DAB1: variants seen among roughly 807,000 people sequenced by gnomAD.
DAB1 encodes disabled homolog 1.
In DAB1, 15 loss-of-function variants were observed where a neutral mutation model predicts 64.6. The ratio of observed to expected loss-of-function variants is 0.23; its 90% confidence interval spans 0.16 to 0.36. DAB1 has a LOEUF of 0.36. DAB1 is among the 10% of genes least tolerant of loss of function. The pLI, the probability that DAB1 is intolerant of heterozygous loss-of-function variation, is 1.00. For synonymous variants in DAB1, 235 were observed against 251.9 expected (o/e 0.93, Z 0.64); for missense variants, 596 against 706.7 (o/e 0.84, Z 1.78).
At chr1:57,936,414 CAG>C (rs1163656378) in intron 5 of DAB1, among the ~76,000 whole-genome samples, 3 of 152,156 alleles carry the variant, frequency 2.0e-5, no homozygotes, top group African/African-American at 7.2e-5. Context: ...TATTTTGAGA[CAG>C]AGTCTTGCTC....
At chr1:58,093,780 A>G (rs2100617089) in intron 5 of DAB1, among the ~76,000 whole-genome samples, 1 of 152,198 alleles carries the variant, frequency 6.6e-6, no homozygotes, top group South Asian at 2.1e-4. Flanking sequence ...GCATGGAAAC[A>G]GTTTTGAAAT....
At chr1:58,385,953 T>C (rs1773067) in intron 3 of DAB1, among the ~76,000 whole-genome samples, 1 of 152,148 alleles carries the variant, frequency 6.6e-6, no homozygotes, top group Non-Finnish European at 1.5e-5. Context: ...GAGGAAAGAC[T>C]CTACGGAACA....
intron 4 of DAB1, among the ~76,000 whole-genome samples, chr1:57,108,880 G>A (rs1447688807): frequency 6.6e-6 from 1 of 152,182 alleles, no homozygotes; most frequent in Non-Finnish European, 1.5e-5. Flanking sequence ...GACACTGGCT[G>A]CCACATCCCC....
chr1:57,302,908 C>T (rs567914221), intron 1 of DAB1, among the ~76,000 whole-genome samples: 39 of 152,302 alleles, frequency 2.6e-4, no homozygotes, highest in African/African-American at 9.1e-4. Context: ...TTAACTCCCC[C>T]AAGCCTGAAT....
intron 4 of DAB1, among the ~76,000 whole-genome samples, chr1:58,152,108 T>A (rs1265469372): frequency 1.3e-5 from 2 of 152,028 alleles, no homozygotes; most frequent in Non-Finnish European, 2.9e-5. Flanking sequence ...ATCAGGCAAA[T>A]ATATGGTAAA....
At chr1:58,324,153 T>C (rs927796020) in intron 4 of DAB1, among the ~76,000 whole-genome samples, 3 of 152,078 alleles carry the variant, frequency 2.0e-5, no homozygotes, top group African/African-American at 7.2e-5. Flanking sequence ...GTTAGTAAAT[T>C]GTGCCTCTGC....
Position 57,844,157 on chromosome 1 carries a change from G to A in DAB1, n.88-17702C>T, listed in dbSNP as rs567567742. Among the ~76,000 whole-genome samples the A allele has an allele frequency of 2.4e-4, 36 of 152,312 alleles. No individual in the cohort carries two copies. In the South Asian group the frequency reaches 7.2e-3, roughly 31 times the overall value. On this transcript the variant is annotated intron_variant and non_coding_transcript_variant, in intron 1 of 1. Transcript: ENST00000477280. Reference sequence around the variant, plus strand: ...AATCTTCTTTTGTAATTCCTGCAGGGAGGATTACTCAGCCTACCTGATATC... The same window carrying A: ...AATCTTCTTTTGTAATTCCTGCAGGAAGGATTACTCAGCCTACCTGATATC...
At chr1:57,639,701 G>A (rs1483133206) in intron 7 of DAB1, among the ~76,000 whole-genome samples, 1 of 152,132 alleles carries the variant, frequency 6.6e-6, no homozygotes, top group East Asian at 1.9e-4. Context: ...CACTGGGGGT[G>A]TCTTCTTGTG....
At position 57,042,584 on chromosome 1, in the gene DAB1, T is replaced by C. The variant is rs371140628; in HGVS notation, c.724-16541A>G. On this transcript the variant is annotated intron_variant, in intron 9 of 14. Transcript: ENST00000371236. ...GCCTTGTAGAGACTCTAGTTCCTCA[T>C]ATGGGAAACTGTCTTATTCATCTTT... Among the ~76,000 whole-genome samples, 177 of 152,268 alleles carry C rather than the reference T, an allele frequency of 1.2e-3. 2 individuals carry two copies. In the South Asian group the frequency reaches 0.035, roughly 30 times the overall value.
intron 6 of DAB1, among the ~76,000 whole-genome samples, chr1:57,733,828 G>C (rs1042136400): frequency 6.6e-6 from 1 of 152,040 alleles, no homozygotes; most frequent in African/African-American, 2.4e-5. Context: ...AGTCAGCATG[G>C]GGGGAATCCA....
At chr1:57,290,706 A>T (rs1353684865) in intron 2 of DAB1, among the ~76,000 whole-genome samples, 1 of 152,198 alleles carries the variant, frequency 6.6e-6, no homozygotes, top group Non-Finnish European at 1.5e-5. Context: ...CTATTTAAAA[A>T]TATATGTGAT....
At chr1:57,107,139 C>T (rs1037021282) in intron 4 of DAB1, among the ~76,000 whole-genome samples, 1 of 152,096 alleles carries the variant, frequency 6.6e-6, no homozygotes. Flanking sequence ...CTTTGGGGGG[C>T]TGAGGCAGGT....
intron 1 of DAB1, among the ~76,000 whole-genome samples, chr1:58,528,294 A>T (rs1227096291): frequency 6.6e-6 from 1 of 152,246 alleles, no homozygotes; most frequent in Non-Finnish European, 1.5e-5. Flanking sequence ...AATACTGTTA[A>T]CTTATTGTTA....
intron 4 of DAB1, 55 bp downstream of exon 4, chr1:57,136,488 G>A: frequency 9.8e-7 from 1 of 1,025,620 alleles, no homozygotes; most frequent in Non-Finnish European, 1.4e-6. Flanking sequence ...AGGCTTTTAA[G>A]GGTACATCTG....
chr1:57,007,956 A>G (rs1449944522), intron 14 of DAB1, among the ~76,000 whole-genome samples: 1 of 152,182 alleles, frequency 6.6e-6, no homozygotes, highest in Non-Finnish European at 1.5e-5. Flanking sequence ...GGGACCCAGA[A>G]TGGCTCTCCC....
chr1:58,059,996 C>T (rs930022741), intron 5 of DAB1: 1 of 152,246 alleles, frequency 6.6e-6, no homozygotes, highest in South Asian at 2.1e-4. Context: ...TGATTTCTGA[C>T]TAATGAGCAG....
At chr1:58,283,126 TC>T (rs560445981) in intron 4 of DAB1, among the ~76,000 whole-genome samples, 41 of 151,486 alleles carry the variant, frequency 2.7e-4, no homozygotes, top group African/African-American at 8.5e-4. Context: ...TGCACTGGAG[TC>T]CTTCCCCACC....
At chr1:57,749,441 A>T (rs184055879) in intron 6 of DAB1, among the ~76,000 whole-genome samples, 1 of 152,362 alleles carries the variant, frequency 6.6e-6, no homozygotes, top group East Asian at 1.9e-4. Flanking sequence ...ATGGTATTTC[A>T]TAAAAGACAT....
chr1:58,131,959 G>T (rs1019898989), intron 5 of DAB1, among the ~76,000 whole-genome samples: 2 of 151,742 alleles, frequency 1.3e-5, no homozygotes, highest in African/African-American at 4.8e-5. Context: ...AGGCAGGCAG[G>T]CCTCCTTGAG....
Sources: gnomAD v4.1 joint callset for allele counts (sites outside exome capture counted in the v4.1 genomes callset) on GRCh38, gnomAD v4.1.1 for gene constraint, MANE v1.5 for transcripts, NCBI Gene and HGNC (gene_info 2026-07-23, HGNC 2026-07-21) for gene names.